Variants in PIWIL1 observed in about 807,000 individuals in gnomAD.
PIWIL1 encodes the protein piwi like RNA-mediated gene silencing 1.
A neutral mutation model predicts 114.4 loss-of-function variants in PIWIL1; 73 were observed. The observed-to-expected ratio is 0.64, with a 90% confidence interval of 0.53 to 0.78. The LOEUF is 0.78. PIWIL1 is among the 30% of genes least tolerant of loss of function. The pLI, the probability that PIWIL1 is intolerant of heterozygous loss-of-function variation, is 0.00. For missense variants in PIWIL1, 723 were observed against 1,063.1 expected, an observed-to-expected ratio of 0.68 and a Z score of 4.45; for synonymous variants, 375 against 369.0, an observed-to-expected ratio of 1.02 and a Z score of -0.19.
the PIWIL1 span, among the ~76,000 whole-genome samples, chr12:130,413,266 G>T: frequency 6.6e-6 from 1 of 152,034 alleles, no homozygotes; most frequent in Non-Finnish European, 1.5e-5. Context: ...AGGGTTCAAG[G>T]CCCTCTTTCT....
At chr12:130,349,209 G>T (rs759988763) in intron 7 of PIWIL1, 30 bp from the exon 8 acceptor site, 1 of 1,573,344 alleles carries the variant, frequency 6.4e-7, no homozygotes. Context: ...ATGTGGAGAG[G>T]TTCTTCATGA....
rs138773106 is a variant in PIWIL1 at position 130,343,330 on chromosome 12, G to T, written c.190+229G>T. Among the ~76,000 whole-genome samples the T allele has an allele frequency of 9.9e-5, 15 of 152,250 alleles. No individual in the cohort carries two copies. The East Asian group carries it at 2.7e-3, about 27-fold the overall frequency. On this transcript the variant is annotated intron_variant, in intron 3 of 20. Coordinates refer to ENST00000245255, the MANE Select transcript of PIWIL1 (RefSeq NM_004764.5). ...ATGACTTAAAAAAATGGTTACTCAGGATTGCAAATTTAACTCTATGGAACA... is the reference window on the plus strand; with the variant it reads ...ATGACTTAAAAAAATGGTTACTCAGTATTGCAAATTTAACTCTATGGAACA...
chr12:130,413,312 T>C, the PIWIL1 span, among the ~76,000 whole-genome samples: 1 of 152,048 alleles, frequency 6.6e-6, no homozygotes, highest in Admixed American at 6.5e-5. Flanking sequence ...CTTTCTCTCA[T>C]TTTCCCTACT....
chr12:130,407,185 A>C, the PIWIL1 span, among the ~76,000 whole-genome samples: 1 of 152,220 alleles, frequency 6.6e-6, no homozygotes, highest in Non-Finnish European at 1.5e-5. Flanking sequence ...AGTACTGTGT[A>C]ACATGGGTTC....
At chr12:130,379,558 A>C in the PIWIL1 span, among the ~76,000 whole-genome samples, 1 of 102,364 alleles carries the variant, frequency 9.8e-6, no homozygotes, top group Admixed American at 1.0e-4. Flanking sequence ...AGTTCCTTCA[A>C]ATCCCTCATC....
At chr12:130,398,044 GA>G in the PIWIL1 span, 267 of 142,658 alleles carry the variant, frequency 1.9e-3, 4 homozygotes, top group South Asian at 6.6e-3. Context: ...CTGGTTGAAA[GA>G]AAAAAAAAAA....
At chr12:130,393,498 G>A in the PIWIL1 span, among the ~76,000 whole-genome samples, 2 of 116,040 alleles carry the variant, frequency 1.7e-5, no homozygotes, top group African/African-American at 2.9e-5. Context: ...ACTGAATGTG[G>A]TGATGACCCA....
At chr12:130,348,040 C>A in intron 6 of PIWIL1, 63 bp from the exon 7 acceptor site, 5 of 1,105,732 alleles carry the variant, frequency 4.5e-6, no homozygotes, top group South Asian at 1.4e-5. Flanking sequence ...AAACGACATG[C>A]TGTTCTGATT....
the PIWIL1 span, among the ~76,000 whole-genome samples, chr12:130,420,553 A>G: frequency 1.3e-5 from 2 of 152,238 alleles, no homozygotes; most frequent in African/African-American, 4.8e-5. The surrounding 1 kb of genome is among the most constrained non-coding windows in gnomAD (Gnocchi z 4.3). Flanking sequence ...TTTTTATGAT[A>G]CTAATAAAAC....
At chr12:130,420,934 T>C in the PIWIL1 span, 8 of 152,164 alleles carry the variant, frequency 5.3e-5, no homozygotes, top group African/African-American at 1.7e-4. This position sits in a 1 kb window ranked among gnomAD's most constrained non-coding sequence, Gnocchi z 4.3. Flanking sequence ...AGCATTAACT[T>C]CTCAGCGGCT....
the PIWIL1 span, chr12:130,399,007 ATCTT>A: frequency 6.4e-6 from 3 of 466,284 alleles, no homozygotes; most frequent in South Asian, 1.9e-4. Context: ...ATTTCTTTGT[ATCTT>A]TTTTTTTTTT....
intron 12 of PIWIL1, among the ~76,000 whole-genome samples, chr12:130,355,993 C>A (rs190447010): frequency 6.6e-6 from 1 of 151,998 alleles, no homozygotes; most frequent in African/African-American, 2.4e-5. Context: ...AATGTGGAGC[C>A]TGTAGCTGGG....
At chr12:130,384,474 A>C in the PIWIL1 span, among the ~76,000 whole-genome samples, 3 of 152,208 alleles carry the variant, frequency 2.0e-5, no homozygotes, top group African/African-American at 2.4e-5. Context: ...GCACATAGGC[A>C]CGGGTGAATG....
chr12:130,343,879 A>G (rs7313775), intron 3 of PIWIL1, among the ~76,000 whole-genome samples: 74,250 of 151,518 alleles, frequency 0.49, 19,194 homozygotes, highest in Middle Eastern at 0.6. Context: ...CTCCCGGCTT[A>G]GCCTCCCAAA....
At chr12:130,399,789 G>A in the PIWIL1 span, 7 of 1,614,066 alleles carry the variant, frequency 4.3e-6, no homozygotes, top group South Asian at 5.5e-5. Context: ...GAGGGCACAA[G>A]GCCTTTCTGC....
rs1030500992 is a variant in PIWIL1, at chr12:130,361,270, G to A, written c.1756G>A (p.Val586Met). 6.2e-7 allele frequency: 1 copy of A among 1,613,866 alleles called. No individual in the cohort carries two copies. Residue 586 changes from valine (V) to methionine (M), a missense_variant, in exon 15 of 21, where the codon GTG becomes ATG. This residue lies in a region of PIWIL1 where 298 missense variants were observed against 420.8 expected (regional missense o/e 0.71). Transcript: ENST00000245255. ...CTDCPTPSQC[V>M]VARTLGKQQT... ...AGATTGCCCTACCCCAAGTCAGTGT[G>A]TGGTGGCCCGAACCTTAGGCAAACA...
the PIWIL1 span, among the ~76,000 whole-genome samples, chr12:130,380,960 G>A: frequency 2.0e-5 from 3 of 152,230 alleles, no homozygotes; most frequent in Admixed American, 6.5e-5. Context: ...TTATTTTTTA[G>A]AGGAGCTTTA....
At chr12:130,405,628 G>C in the PIWIL1 span, among the ~76,000 whole-genome samples, 1 of 151,884 alleles carries the variant, frequency 6.6e-6, no homozygotes, top group African/African-American at 2.4e-5. Flanking sequence ...CAGAAAAGGA[G>C]GGAGGGTGGC....
At chr12:130,403,391 AAG>A in the PIWIL1 span, among the ~76,000 whole-genome samples, 22 of 152,240 alleles carry the variant, frequency 1.4e-4, no homozygotes, top group Admixed American at 7.9e-4. Context: ...TCAAGAAACT[AAG>A]AAGATAAAAC....
Sources: allele counts gnomAD v4.1 joint callset (sites outside exome capture counted in the v4.1 genomes callset), GRCh38; gene constraint gnomAD v4.1.1; regional missense constraint gnomAD v4.1.1; non-coding constraint Gnocchi (gnomAD v3.1); transcripts MANE v1.5; gene names NCBI Gene and HGNC (gene_info 2026-07-23, HGNC 2026-07-21).